GRID2IP: variants seen among roughly 807,000 people sequenced by gnomAD.
GRID2IP encodes delphilin.
Under a neutral mutation model 114.3 loss-of-function variants are expected in GRID2IP, and 78 were observed. The ratio of observed to expected loss-of-function variants is 0.68; its 90% CI spans 0.57 to 0.82. The LOEUF (loss-of-function observed/expected upper bound fraction) is 0.82. Ranked by LOEUF, GRID2IP falls within the 40% of genes least tolerant of loss-of-function variation. GRID2IP has a pLI of 0.00. For missense variants in GRID2IP, 1,727 were observed against 1,678.5 expected (o/e 1.03, Z -0.51); for synonymous variants, 809 against 724.0 (o/e 1.12, Z -1.89).
chr7:6,542,883 G>A (rs1172678666), intron 1 of GRID2IP, among the ~76,000 whole-genome samples: 1 of 152,328 alleles, frequency 6.6e-6, no homozygotes, highest in South Asian at 2.1e-4. Context: ...GGGTCTGGTT[G>A]TCTCTGGGCA....
In GRID2IP at chr7:6,536,323, G is replaced by C. The variant is rs1191128911; in HGVS notation, c.584+3395C>G. On this transcript the variant is annotated intron_variant, in intron 2 of 21. Transcript: ENST00000457091. The surrounding 1 kb of genome is among the most constrained non-coding windows in gnomAD (Gnocchi z 5.3). ...TTGACACGCGCTTACAGCAGAGGCT[G>C]CCGTTTCAAGCTGCGGGGACTGGGC... is the stretch of plus-strand genomic sequence containing the variant. 6.6e-6 allele frequency among the ~76,000 whole-genome samples: 1 copy of C among 152,244 alleles called. No individual in the cohort carries two copies. The highest frequency in any genetic ancestry group is 1.5e-5 in the Non-Finnish European group (1 of 68,038).
At chr7:6,541,333 C>G (rs1417114216) in intron 1 of GRID2IP, among the ~76,000 whole-genome samples, 1 of 152,140 alleles carries the variant, frequency 6.6e-6, no homozygotes, top group Non-Finnish European at 1.5e-5. Context: ...AGCTTAAAAC[C>G]ACACCACACA....
At chr7:6,518,226 T>G (rs1457503675) in intron 7 of GRID2IP, among the ~76,000 whole-genome samples, 1 of 151,802 alleles carries the variant, frequency 6.6e-6, no homozygotes, top group African/African-American at 2.4e-5. Flanking sequence ...TGAGACCCTG[T>G]CTCAGAAAAT....
At position 6,520,831 on chromosome 7, in the gene GRID2IP, T is replaced by C. The variant is rs1296684413; in HGVS notation, c.1085-70A>G. The C allele has an allele frequency of 9.7e-6, 14 of 1,437,296 alleles. No individual in the cohort carries two copies. The African/African-American group carries it at 1.8e-4, about 19-fold the overall frequency. 89.0% of individuals were successfully genotyped at this position (1,437,296 alleles called of 1,614,324 possible). A position where few individuals can be genotyped will look rare whatever the true frequency, so the allele number is the denominator to read the frequency against. ...CCAGGCCAGGTGTAGTCTCCCTGGC[T>C]TTTGAGGTCAGGAGACCTCCTGAGC... On this transcript the variant is annotated intron_variant, in intron 6 of 21. Coordinates refer to ENST00000457091, the MANE Select transcript of GRID2IP (RefSeq NM_001145118.2). This position sits in a 1 kb window ranked among gnomAD's most constrained non-coding sequence, Gnocchi z 4.6.
chr7:6,514,976 AAGAG>A (rs1032566736), intron 7 of GRID2IP, among the ~76,000 whole-genome samples: 71 of 150,032 alleles, frequency 4.7e-4, no homozygotes, highest in East Asian at 4.5e-3. Context: ...AGAAAAGAAA[AAGAG>A]AGAGAGAGAG....
Position 6,510,609 on chromosome 7 carries a change from C to T in GRID2IP, c.1653G>A (p.Met551Ile). The T allele has an allele frequency of 2.0e-6, 3 of 1,533,488 alleles. No homozygotes were observed. The highest frequency in any genetic ancestry group is 2.6e-6 in the Non-Finnish European group (3 of 1,140,432). 95.0% of individuals were successfully genotyped at this position (1,533,488 alleles called of 1,614,324 possible). The change falls in exon 10 of 22, where the codon ATG becomes ATA. Residue 551 changes from methionine (M) to isoleucine (I), a missense_variant and splice_region_variant. Met to Ile is a conservative substitution (Grantham distance 10). Coordinates refer to ENST00000457091, the MANE Select transcript of GRID2IP (RefSeq NM_001145118.2). ...TSLPETPNPK[M>I]MSAVYAELES... Reference sequence around the variant, plus strand: ...ACGTGGAGGGCAGAGAAGGTCTCACCATCTTGGGGTTGGGGGTCTCAGGGA... The same window carrying T: ...ACGTGGAGGGCAGAGAAGGTCTCACTATCTTGGGGTTGGGGGTCTCAGGGA...
chr7:6,545,270 C>T (rs1000696711), intron 1 of GRID2IP, among the ~76,000 whole-genome samples: 3 of 152,038 alleles, frequency 2.0e-5, no homozygotes, highest in East Asian at 1.9e-4. Context: ...CAGATCAAGA[C>T]CCTGTCTCCA....
chr7:6,504,246 C>G (rs1351540225), intron 15 of GRID2IP, among the ~76,000 whole-genome samples: 1 of 141,190 alleles, frequency 7.1e-6, no homozygotes, highest in Non-Finnish European at 1.5e-5. Flanking sequence ...AGCAAGGAAA[C>G]TGAGCGGGGC....
In GRID2IP at chr7:6,516,454, G is replaced by A. The variant is rs899625367; in HGVS notation, c.1269-1925C>T. Among the ~76,000 whole-genome samples, 3 of 152,054 alleles carry A rather than the reference G, an allele frequency of 2.0e-5. No homozygotes were observed. The highest frequency in any genetic ancestry group is 4.4e-5 in the Non-Finnish European group (3 of 67,966). Reference sequence around the variant, plus strand: ...AGGAGCTGAAGGGACACGGTGAGAAGTGACCAAAAGACAAGAGTGTGAGCC... The same window carrying A: ...AGGAGCTGAAGGGACACGGTGAGAAATGACCAAAAGACAAGAGTGTGAGCC... On this transcript the variant is annotated intron_variant, in intron 7 of 21. Coordinates refer to ENST00000457091, the MANE Select transcript of GRID2IP (RefSeq NM_001145118.2). The surrounding 1 kb of genome is among the most constrained non-coding windows in gnomAD (Gnocchi z 4.3).
At chr7:6,512,231 CTTTTTTTT>C (rs1002835555) in intron 8 of GRID2IP, among the ~76,000 whole-genome samples, 1 of 90,196 alleles carries the variant, frequency 1.1e-5, no homozygotes, top group Admixed American at 1.3e-4. Context: ...TTCTTTTCTT[CTTTTTTTT>C]TTTTTTTTTT....
In GRID2IP at chr7:6,534,278, C is replaced by T. The variant is rs1218617016; in HGVS notation, c.584+5440G>A. Among the ~76,000 whole-genome samples, 1 of 152,130 alleles carries T rather than the reference C, an allele frequency of 6.6e-6. No individual in the cohort carries two copies. Among genetic ancestry groups the T allele is most frequent in the African/African-American group, 2.4e-5 (1 of 41,420 alleles). ...CCTGCCCCTGACCTGACACCCCGTT[C>T]CCCCCACGCCACCACTCATATTTCC... On this transcript the variant is annotated intron_variant, in intron 2 of 21. Coordinates refer to ENST00000457091, the MANE Select transcript of GRID2IP (RefSeq NM_001145118.2). This position sits in a 1 kb window ranked among gnomAD's most constrained non-coding sequence, Gnocchi z 4.5.
Position 6,536,526 on chromosome 7 carries a change from G to T in GRID2IP, c.584+3192C>A, listed in dbSNP as rs908910748. On this transcript the variant is annotated intron_variant, in intron 2 of 21. Transcript: ENST00000457091. The surrounding 1 kb of genome is among the most constrained non-coding windows in gnomAD (Gnocchi z 5.3). ...GGGGGGCAGGCGGGCTGGCCCGGGA[G>T]GGGGCAGGAACAGACACCGGCAGCG... is the stretch of plus-strand genomic sequence containing the variant. 5.6e-4 allele frequency among the ~76,000 whole-genome samples: 85 copies of T among 152,202 alleles called. 2 individuals are homozygous for T. Among genetic ancestry groups the T allele is most frequent in the Admixed American group, 1.2e-3 (18 of 15,302 alleles).
chr7:6,540,215 C>T (rs972015088), intron 1 of GRID2IP, among the ~76,000 whole-genome samples: 14 of 151,530 alleles, frequency 9.2e-5, no homozygotes, highest in African/African-American at 1.5e-4. Flanking sequence ...CAGGTTCAAG[C>T]GATTCTCCTG....
intron 2 of GRID2IP, among the ~76,000 whole-genome samples, chr7:6,527,918 C>T (rs1325171455): frequency 5.9e-5 from 9 of 152,040 alleles, no homozygotes; most frequent in African/African-American, 1.9e-4. Flanking sequence ...GCCACCACGA[C>T]GGCTAATTTT....
chr7:6,542,268 G>A (rs1468024439), intron 1 of GRID2IP, among the ~76,000 whole-genome samples: 2 of 128,424 alleles, frequency 1.6e-5, no homozygotes, highest in South Asian at 2.4e-4. Flanking sequence ...TCTTGCCATT[G>A]TACTCCAGCC....
chr7:6,530,953 G>T, intron 2 of GRID2IP: 1 of 537,412 alleles, frequency 1.9e-6, no homozygotes. Flanking sequence ...GCCCACCCAG[G>T]GCAGGGAAGC....
intron 7 of GRID2IP, among the ~76,000 whole-genome samples, chr7:6,517,749 A>C (rs934503182): frequency 1.6e-4 from 25 of 151,836 alleles, no homozygotes. Context: ...CTAAAAGTAC[A>C]AAAATTAGCC....
At chr7:6,515,880 C>T (rs775536919) in intron 7 of GRID2IP, among the ~76,000 whole-genome samples, 10 of 151,940 alleles carry the variant, frequency 6.6e-5, no homozygotes, top group Middle Eastern at 6.3e-3. Flanking sequence ...GGGTGGATCA[C>T]GAGCTCAGGA....
At chr7:6,550,976 T>TTCC (rs1178768031) in intron 1 of GRID2IP, 32 bp downstream of exon 1, 6 of 1,015,768 alleles carry the variant, frequency 5.9e-6, no homozygotes, top group Non-Finnish European at 6.2e-6. Context: ...GCCCCCTCCT[T>TTCC]CCCGCCCCCA....
Sources: gnomAD v4.1 joint callset for allele counts (sites outside exome capture counted in the v4.1 genomes callset) on GRCh38, gnomAD v4.1.1 for gene constraint, Gnocchi (gnomAD v3.1) non-coding constraint, MANE v1.5 for transcripts, NCBI Gene and HGNC (gene_info 2026-07-23, HGNC 2026-07-21) for gene names.